GRK7: variants seen among roughly 807,000 people sequenced by gnomAD.
GRK7 encodes G protein-coupled receptor kinase 7.
Under a neutral mutation model 34.1 loss-of-function variants are expected in GRK7, and 24 were observed. The ratio of observed to expected loss-of-function variants is 0.70; its 90% CI spans 0.51 to 0.99. The LOEUF is 0.99. GRK7 is among the 50% of genes least tolerant of loss of function. The pLI, the probability that GRK7 is intolerant of heterozygous loss-of-function variation, is 0.00. For missense variants in GRK7, 644 were observed against 707.3 expected (o/e 0.91, Z 1.02); for synonymous variants, 256 against 279.4 (o/e 0.92, Z 0.84).
chr3:141,806,868 G>C (rs1711041926), intron 4 of GRK7, among the ~76,000 whole-genome samples: 1 of 151,850 alleles, frequency 6.6e-6, no homozygotes, highest in Non-Finnish European at 1.5e-5. Context: ...GATTTAGATA[G>C]TAAATTTTAT....
intron 3 of GRK7, among the ~76,000 whole-genome samples, chr3:141,780,018 G>A (rs1307773447): frequency 1.3e-5 from 2 of 152,178 alleles, no homozygotes; most frequent in Admixed American, 6.5e-5. Context: ...ATTTCTCTTG[G>A]ATTTATGCCC....
At chr3:141,766,536 A>G (rs180782423) in intron 1 of GRK7, among the ~76,000 whole-genome samples, 1 of 152,302 alleles carries the variant, frequency 6.6e-6, no homozygotes, top group Non-Finnish European at 1.5e-5. Flanking sequence ...GAAAAAAAAA[A>G]GTCTTTAAAG....
intron 1 of GRK7, among the ~76,000 whole-genome samples, chr3:141,769,114 C>G (rs1483985410): frequency 2.6e-5 from 4 of 152,124 alleles, no homozygotes; most frequent in Non-Finnish European, 4.4e-5. Context: ...CCCTTCTATC[C>G]CACTGCCCAC....
chr3:141,781,898 G>A (rs2084674069), intron 4 of GRK7, among the ~76,000 whole-genome samples: 1 of 152,174 alleles, frequency 6.6e-6, no homozygotes, highest in Admixed American at 6.5e-5. Context: ...TCCACAGCAA[G>A]GCAAGGGCTC....
At chr3:141,801,641 A>G (rs188227712) in intron 4 of GRK7, among the ~76,000 whole-genome samples, 1 of 152,296 alleles carries the variant, frequency 6.6e-6, no homozygotes, top group Admixed American at 6.5e-5. Flanking sequence ...TTAAATAATT[A>G]TTCTTATTTT....
chr3:141,787,523 C>T (rs1000418598), intron 4 of GRK7, among the ~76,000 whole-genome samples: 2 of 151,300 alleles, frequency 1.3e-5, no homozygotes, highest in African/African-American at 4.9e-5. Flanking sequence ...ACTCAAGTGG[C>T]TGAGGCAGGA....
chr3:141,798,157 C>T (rs1241857405), intron 4 of GRK7, among the ~76,000 whole-genome samples: 1 of 152,204 alleles, frequency 6.6e-6, no homozygotes, highest in Non-Finnish European at 1.5e-5. Flanking sequence ...GGATCTTAAT[C>T]ACACCTTAAG....
chr3:141,789,819 C>A (rs909779752), intron 4 of GRK7, among the ~76,000 whole-genome samples: 2 of 152,046 alleles, frequency 1.3e-5, no homozygotes, highest in African/African-American at 2.4e-5. Context: ...CCTCTTGGGA[C>A]CCTTTACAAA....
In GRK7 at chr3:141,807,678, C is replaced by CT; in HGVS notation, c.1085dup (p.Met363AsnfsTer21). ...CAATGGTTACATGGCTCCTGAGATC[C>CT]TAATGGAAAAGGTAAGTTATTCCTA... On this transcript the variant is annotated frameshift_variant, in exon 5 of 6. Transcript: ENST00000682958. LOFTEE classifies it high-confidence loss of function. 1.1e-5 allele frequency: 17 copies of CT among 1,614,118 alleles called. No individual in the cohort carries two copies. Among genetic ancestry groups the CT allele is most frequent in the Non-Finnish European group, 1.4e-5 (16 of 1,179,978 alleles).
At chr3:141,754,298 C>T in the GRK7 span, among the ~76,000 whole-genome samples, 2 of 149,950 alleles carry the variant, frequency 1.3e-5, no homozygotes, top group East Asian at 3.9e-4. Flanking sequence ...TTCTCCTGCC[C>T]TCTCTCTCAT....
At chr3:141,806,400 G>A (rs971763333) in intron 4 of GRK7, among the ~76,000 whole-genome samples, 8 of 151,762 alleles carry the variant, frequency 5.3e-5, no homozygotes, top group South Asian at 4.2e-4. Flanking sequence ...CCATCTCCAC[G>A]AAAAATACAA....
At chr3:141,814,493 T>C (rs1711128033) in intron 5 of GRK7, among the ~76,000 whole-genome samples, 1 of 152,220 alleles carries the variant, frequency 6.6e-6, no homozygotes, top group Non-Finnish European at 1.5e-5. Flanking sequence ...TTTCTGTTTC[T>C]ATGTTAGTTC....
chr3:141,807,910 T>G lies in GRK7; in HGVS notation c.1316T>G (p.Leu439Ter), dbSNP rs1329956105. 4.4e-6 allele frequency: 7 copies of G among 1,584,796 alleles called. No individual in the cohort carries two copies. The highest frequency in any genetic ancestry group is 1.7e-4 in the Middle Eastern group (1 of 5,928). The change falls in exon 5 of 6, where the codon TTA (leucine) becomes TGA (stop). Residue 439 changes from leucine (L) to a stop codon, truncating the protein, a stop_gained. Coordinates refer to ENST00000682958, the MANE Select transcript of GRK7 (RefSeq NM_139209.3). LOFTEE classifies it low-confidence loss of function (END_TRUNC). ...TTGGCTAAGAAACCAGAGCAACGCT[T>G]AGGAAGCAGGTAAACTAGCATGTAA... is the stretch of plus-strand genomic sequence containing the variant. ...LFLAKKPEQR[L>*]GSREKSDDPR...
chr3:141,802,366 T>TCACACACACACACACACACA (rs113029036), intron 4 of GRK7, among the ~76,000 whole-genome samples: 150 of 145,674 alleles, frequency 1.0e-3, no homozygotes, highest in East Asian at 4.3e-3. Flanking sequence ...TCTTTCTCTG[T>TCACACACACACACACACACA]CACACACACA....
intron 5 of GRK7, among the ~76,000 whole-genome samples, chr3:141,811,879 G>C (rs1349751803): frequency 6.6e-6 from 1 of 152,168 alleles, no homozygotes; most frequent in African/African-American, 2.4e-5. Context: ...ATGGGTCTGG[G>C]AGATAATTTT....
rs1711165843 is a variant in GRK7, at chr3:141,817,409, A to G, written c.*359A>G. ...CAGAAAATGAGCATTTGCAATTCTT[A>G]GTAAATAATCATTTTAGTTTTTCTT... On this transcript the variant is annotated 3_prime_UTR_variant, in exon 6 of 6. Coordinates refer to ENST00000682958, the MANE Select transcript of GRK7 (RefSeq NM_139209.3). 5.5e-6 allele frequency: 1 copy of G among 182,544 alleles called. No homozygotes were observed. The highest frequency in any genetic ancestry group is 1.1e-5 in the Non-Finnish European group (1 of 88,902). The allele number at this position is 182,544 out of a possible 1,614,324, so 11.3% of individuals were successfully genotyped here.
chr3:141,801,171 T>C (rs995129000), intron 4 of GRK7, among the ~76,000 whole-genome samples: 1 of 150,600 alleles, frequency 6.6e-6, no homozygotes, highest in Non-Finnish European at 1.5e-5. Context: ...ATTAGCCGGG[T>C]GTGGTGGCAG....
rs769578596 is a variant in GRK7 at position 141,807,908 on chromosome 3, C to A, written c.1314C>A (p.Arg438=). ...TCTTGGCTAAGAAACCAGAGCAACG[C>A]TTAGGAAGCAGGTAAACTAGCATGT... ...RLFLAKKPEQ[R]LGSREKSDDP... The change falls in exon 5 of 6, where the codon CGC becomes CGA. Residue 438 remains arginine, a synonymous_variant. Coordinates refer to ENST00000682958, the MANE Select transcript of GRK7 (RefSeq NM_139209.3). The A allele has an allele frequency of 1.3e-6, 2 of 1,586,104 alleles. No individual in the cohort carries two copies. Among genetic ancestry groups the A allele is most frequent in the African/African-American group, 2.7e-5 (2 of 74,088 alleles).
intron 4 of GRK7, among the ~76,000 whole-genome samples, chr3:141,789,751 C>G (rs1164421475): frequency 6.6e-6 from 1 of 151,514 alleles, no homozygotes. Context: ...CCCTTAATCA[C>G]GGGATGATGA....
Sources: allele counts gnomAD v4.1 joint callset (sites outside exome capture counted in the v4.1 genomes callset), GRCh38; gene constraint gnomAD v4.1.1; transcripts MANE v1.5; gene names NCBI Gene and HGNC (gene_info 2026-07-23, HGNC 2026-07-21).